Variants in FGF14 observed in about 807,000 individuals in gnomAD.
FGF14 encodes fibroblast growth factor 14, also known as fibroblast growth factor homologous factor 4.
FGF14 carries 5 observed loss-of-function variants against 25.5 expected under a neutral mutation model. That is an observed-to-expected ratio of 0.20 (90% CI 0.10 to 0.41). FGF14 has a LOEUF of 0.41. Ranked by LOEUF, FGF14 falls within the 10% of genes least tolerant of loss-of-function variation. FGF14 has a pLI of 1.00. For synonymous variants in FGF14, 138 were observed against 118.3 expected, an observed-to-expected ratio of 1.17 and a Z score of -1.08; for missense variants, 222 against 320.1, an observed-to-expected ratio of 0.69 and a Z score of 2.34.
At chr13:102,359,876 G>A (rs2057518819) in intron 1 of FGF14, among the ~76,000 whole-genome samples, 1 of 148,780 alleles carries the variant, frequency 6.7e-6, no homozygotes. Context: ...AACAGTCCAA[G>A]GGGAAAATAA....
chr13:101,794,417 T>C (rs2040408026), intron 3 of FGF14, among the ~76,000 whole-genome samples: 1 of 152,114 alleles, frequency 6.6e-6, no homozygotes, highest in Admixed American at 6.6e-5. Flanking sequence ...GGGACTGAGA[T>C]AAATACCACA....
In FGF14 at chr13:101,944,121, A is replaced by G. The variant is rs1264092863; in HGVS notation, c.209-68825T>C. On this transcript the variant is annotated intron_variant, in intron 1 of 4. Transcript: ENST00000376131. ...TGAAGTTGTCTGCATATTTTCAAAGACAGTGCCATACTGCAGAAAGAGCAG... is the reference window on the plus strand; with the variant it reads ...TGAAGTTGTCTGCATATTTTCAAAGGCAGTGCCATACTGCAGAAAGAGCAG... 3.3e-5 allele frequency among the ~76,000 whole-genome samples: 5 copies of G among 152,256 alleles called. No individual in the cohort carries two copies. In the East Asian group the frequency reaches 9.6e-4, roughly 29 times the overall value.
In FGF14 at chr13:102,174,733, G is replaced by A. The variant is rs1335545896; in HGVS notation, c.208+226738C>T. Among the ~76,000 whole-genome samples, 7 of 151,974 alleles carry A rather than the reference G, an allele frequency of 4.6e-5. No homozygotes were observed. The East Asian group carries it at 1.4e-3, about 29-fold the overall frequency. The stretch of plus-strand genomic sequence containing the variant: ...TGGGAGCTAAGCATTGAGCACACAT[G>A]GACATAAATAGGGGAACAAAACACA... On this transcript the variant is annotated intron_variant, in intron 1 of 4. Transcript: ENST00000376131.
intron 3 of FGF14, among the ~76,000 whole-genome samples, chr13:101,745,760 G>A (rs375875602): frequency 7.2e-5 from 11 of 152,178 alleles, no homozygotes; most frequent in East Asian, 5.8e-4. Context: ...GTTTGACCAC[G>A]TCTTGAAGAA....
intron 1 of FGF14, among the ~76,000 whole-genome samples, chr13:102,238,276 A>G (rs2051420967): frequency 6.6e-6 from 1 of 152,234 alleles, no homozygotes; most frequent in African/African-American, 2.4e-5. Flanking sequence ...CCACAATTCA[A>G]AATAAAACAG....
At position 101,712,045 on chromosome 13, in the gene FGF14, C is replaced by A. The variant is rs1455883047; in HGVS notation, c.*10786G>T. Reference sequence around the variant, plus strand: ...GTGTGCTTCCCATTTAAGAGAGGCACAATTTGACCCATGTTATGGAAGAAA... The same window carrying A: ...GTGTGCTTCCCATTTAAGAGAGGCAAAATTTGACCCATGTTATGGAAGAAA... On this transcript the variant is annotated 3_prime_UTR_variant, in exon 5 of 5. Coordinates refer to ENST00000376143, the MANE Select transcript of FGF14 (RefSeq NM_004115.4). 1 of 152,162 alleles carries A rather than the reference C, an allele frequency of 6.6e-6. No individual in the cohort carries two copies. The highest frequency in any genetic ancestry group is 2.1e-4 in the South Asian group (1 of 4,826). 9.4% of individuals were successfully genotyped at this position (152,162 alleles called of 1,614,324 possible).
intron 1 of FGF14, among the ~76,000 whole-genome samples, chr13:102,134,134 C>A (rs1473063045): frequency 6.6e-6 from 1 of 152,068 alleles, no homozygotes; most frequent in Non-Finnish European, 1.5e-5. Context: ...ATAGTCCCTG[C>A]CTGTAAGAAG....
chr13:102,354,574 C>T (rs1349703819), intron 1 of FGF14, among the ~76,000 whole-genome samples: 2 of 152,156 alleles, frequency 1.3e-5, no homozygotes, highest in Non-Finnish European at 2.9e-5. Context: ...AAGCTGTACC[C>T]CAGCCACATT....
At chr13:101,913,831 A>G (rs1428585024) in intron 1 of FGF14, among the ~76,000 whole-genome samples, 3 of 151,132 alleles carry the variant, frequency 2.0e-5, no homozygotes, top group Non-Finnish European at 4.4e-5. Context: ...ATAATTCTTT[A>G]TCCCAGCTCT....
intron 3 of FGF14, among the ~76,000 whole-genome samples, chr13:101,751,558 TA>T (rs2037275851): frequency 6.6e-6 from 1 of 152,062 alleles, no homozygotes; most frequent in Non-Finnish European, 1.5e-5. Flanking sequence ...GAACCACATT[TA>T]AAAGCCCAGG....
At chr13:102,383,078 T>A (rs1165700724) in intron 1 of FGF14, among the ~76,000 whole-genome samples, 1 of 152,088 alleles carries the variant, frequency 6.6e-6, no homozygotes, top group Non-Finnish European at 1.5e-5. Flanking sequence ...ATTGTATACT[T>A]TAAAAGGGTA....
intron 1 of FGF14, among the ~76,000 whole-genome samples, chr13:102,342,433 TA>T (rs776852023): frequency 6.8e-4 from 103 of 151,224 alleles, no homozygotes; most frequent in African/African-American, 2.4e-3. Context: ...TTCTAAACTT[TA>T]AAAAAAAATA....
At chr13:102,258,795 T>TA (rs1000061046) in intron 1 of FGF14, among the ~76,000 whole-genome samples, 2 of 152,008 alleles carry the variant, frequency 1.3e-5, no homozygotes, top group African/African-American at 4.8e-5. Flanking sequence ...AACAATAATG[T>TA]AAAAAAATGT....
intron 1 of FGF14, among the ~76,000 whole-genome samples, chr13:101,999,425 A>G (rs1410232434): frequency 6.6e-6 from 1 of 151,846 alleles, no homozygotes; most frequent in East Asian, 1.9e-4. Context: ...TCCTCTTAAC[A>G]CACAGATCTC....
intron 1 of FGF14, among the ~76,000 whole-genome samples, chr13:102,201,603 T>C (rs886641779): frequency 5.9e-5 from 9 of 152,156 alleles, no homozygotes; most frequent in African/African-American, 2.2e-4. Context: ...ACCAAGATGT[T>C]AGAGGATGCA....
At chr13:101,766,649 A>T (rs533254075) in intron 3 of FGF14, among the ~76,000 whole-genome samples, 1 of 152,178 alleles carries the variant, frequency 6.6e-6, no homozygotes, top group African/African-American at 2.4e-5. Flanking sequence ...TGGAACTCTG[A>T]ATATGACTTT....
At chr13:101,823,201 C>T (rs537853169) in intron 3 of FGF14, among the ~76,000 whole-genome samples, 4 of 152,004 alleles carry the variant, frequency 2.6e-5, no homozygotes, top group East Asian at 1.9e-4. Flanking sequence ...TTTATGTTTG[C>T]ATTTCTTTGG....
chr13:102,144,601 T>C (rs1423771918), intron 1 of FGF14, among the ~76,000 whole-genome samples: 1 of 152,188 alleles, frequency 6.6e-6, no homozygotes, highest in Non-Finnish European at 1.5e-5. Context: ...GAAATAATTA[T>C]AGTCCTTCTG....
At chr13:102,313,904 T>C (rs2055893519) in intron 1 of FGF14, among the ~76,000 whole-genome samples, 1 of 152,092 alleles carries the variant, frequency 6.6e-6, no homozygotes, top group South Asian at 2.1e-4. Flanking sequence ...AAATACCAAT[T>C]ATTTTCTCTA....
Sources: allele counts gnomAD v4.1 joint callset (sites outside exome capture counted in the v4.1 genomes callset), GRCh38; gene constraint gnomAD v4.1.1; transcripts MANE v1.5; gene names NCBI Gene and HGNC (gene_info 2026-07-23, HGNC 2026-07-21).